APLF: variants seen among roughly 807,000 people sequenced by gnomAD.
APLF encodes the protein aprataxin and PNKP like factor, also known as aprataxin and PNK-like factor.
A neutral mutation model predicts 55.6 loss-of-function variants in APLF; 61 were observed. That is an observed-to-expected ratio of 1.10 (90% CI 0.89 to 1.36). APLF has a LOEUF of 1.36. APLF is among the 40% of genes most tolerant of loss of function. The pLI is 0.00. For synonymous variants in APLF, 207 were observed against 214.8 expected, an observed-to-expected ratio of 0.96 and a Z score of 0.32; for missense variants, 611 against 602.5, an observed-to-expected ratio of 1.01 and a Z score of -0.15.
At chr2:68,525,948 C>T in intron 5 of APLF, 113 bp from the exon 6 acceptor site, 2 of 1,019,696 alleles carry the variant, frequency 2.0e-6, no homozygotes. Flanking sequence ...CCGGGTTTCA[C>T]CATGTTGGCC....
chr2:68,490,282 T>A (rs752014354), intron 2 of APLF, 21 bp downstream of exon 2: 12 of 1,600,868 alleles, frequency 7.5e-6, no homozygotes, highest in Non-Finnish European at 1.0e-5. Flanking sequence ...TATTAATGAT[T>A]CATTTTAACT....
At chr2:68,488,875 TGAC>T (rs1676269456) in intron 1 of APLF, among the ~76,000 whole-genome samples, 1 of 152,106 alleles carries the variant, frequency 6.6e-6, no homozygotes, top group Admixed American at 6.6e-5. Context: ...TAATGCTAAA[TGAC>T]GAGTTATTGG....
At chr2:68,535,282 G>T in intron 6 of APLF, 1 of 429,002 alleles carries the variant, frequency 2.3e-6, no homozygotes, top group South Asian at 1.8e-5. Context: ...CAACATAATA[G>T]ATGCTTATTG....
At chr2:68,478,974 A>G (rs543881818) in intron 1 of APLF, among the ~76,000 whole-genome samples, 4 of 152,306 alleles carry the variant, frequency 2.6e-5, no homozygotes, top group Admixed American at 6.5e-5. Context: ...GGTTCTGTCA[A>G]TGCTTTGTCC....
intron 8 of APLF, among the ~76,000 whole-genome samples, chr2:68,552,598 TCTC>T (rs1455589417): frequency 1.3e-5 from 2 of 152,090 alleles, no homozygotes; most frequent in African/African-American, 2.4e-5. Context: ...AAAAGAGTAT[TCTC>T]CTACCATGAG....
In APLF at chr2:68,567,341, G is replaced by A. The variant is rs762277971; in HGVS notation, c.1287G>A (p.Arg429=). The change falls in exon 9 of 10, where the codon AGG becomes AGA. Residue 429 remains arginine (R), a splice_region_variant and synonymous_variant. Transcript: ENST00000303795. ...PECPYGPSCY[R]KNPQHKIEYR... The stretch of plus-strand genomic sequence containing the variant: ...TCTTATTTTTGCATTCTTCTTTCAG[G>A]AAGAATCCCCAGCACAAGATAGAAT... 2.5e-6 allele frequency: 4 copies of A among 1,605,082 alleles called. No homozygotes were observed. In the South Asian group the frequency reaches 4.5e-5, roughly 18 times the overall value.
At chr2:68,506,892 A>G (rs2103940975) in intron 3 of APLF, among the ~76,000 whole-genome samples, 1 of 152,146 alleles carries the variant, frequency 6.6e-6, no homozygotes, top group African/African-American at 2.4e-5. Context: ...AAAAAACCCA[A>G]AAAGGTTATA....
At chr2:68,556,362 T>A (rs150741435) in intron 8 of APLF, among the ~76,000 whole-genome samples, 161 of 152,174 alleles carry the variant, frequency 1.1e-3, no homozygotes, top group Non-Finnish European at 5.6e-4. Flanking sequence ...ATAAAAAAAA[T>A]TTAATAAAAA....
chr2:68,489,900 C>T (rs1332255273), intron 1 of APLF, among the ~76,000 whole-genome samples: 1 of 152,132 alleles, frequency 6.6e-6, no homozygotes, highest in Non-Finnish European at 1.5e-5. Context: ...TAAGAATCCC[C>T]AGTAGATGTC....
chr2:68,473,484 G>C (rs1011330305), intron 1 of APLF, among the ~76,000 whole-genome samples: 1 of 152,154 alleles, frequency 6.6e-6, no homozygotes, highest in Non-Finnish European at 1.5e-5. Context: ...ATTTTTGTGT[G>C]AACGTAGGTC....
intron 1 of APLF, among the ~76,000 whole-genome samples, chr2:68,473,098 TA>T (rs763138141): frequency 2.6e-5 from 4 of 152,222 alleles, no homozygotes; most frequent in Non-Finnish European, 4.4e-5. Context: ...GACAAATGTA[TA>T]ATGACATTTA....
At chr2:68,491,077 TTTTTAA>T (rs1407132851) in intron 2 of APLF, among the ~76,000 whole-genome samples, 1 of 152,230 alleles carries the variant, frequency 6.6e-6, no homozygotes, top group Non-Finnish European at 1.5e-5. Context: ...GGAAAGCATC[TTTTTAA>T]TTTTAGTACT....
In APLF at chr2:68,529,349, G is replaced by A. The variant is rs1670177150; in HGVS notation, c.804+3107G>A. 8.3e-6 allele frequency: 11 copies of A among 1,321,264 alleles called. No homozygotes were observed. The East Asian group carries it at 8.7e-5, about 10-fold the overall frequency. 81.8% of individuals were successfully genotyped at this position (1,321,264 alleles called of 1,614,324 possible). On this transcript the variant is annotated intron_variant, in intron 6 of 9. Transcript: ENST00000303795. This position sits in a 1 kb window ranked among gnomAD's most constrained non-coding sequence, Gnocchi z 4.4. ...TGGGGCAGGCACAGGTGCAGGAGCC[G>A]CGGGGTGAGCCCGGCCAGCTGGGAA...
intron 8 of APLF, among the ~76,000 whole-genome samples, chr2:68,555,517 T>G (rs1670980998): frequency 6.6e-6 from 1 of 151,960 alleles, no homozygotes; most frequent in Non-Finnish European, 1.5e-5. Context: ...ATAGACAATT[T>G]TCAAAAGAGG....
chr2:68,557,111 A>G (rs921945022), intron 8 of APLF, among the ~76,000 whole-genome samples: 4 of 152,192 alleles, frequency 2.6e-5, no homozygotes, highest in African/African-American at 9.6e-5. Flanking sequence ...GATTGGTTCC[A>G]GGACCCCAGG....
At chr2:68,478,216 A>G (rs1675838950) in intron 1 of APLF, among the ~76,000 whole-genome samples, 1 of 152,140 alleles carries the variant, frequency 6.6e-6, no homozygotes, top group South Asian at 2.1e-4. Context: ...TCCTTGATAT[A>G]TACAGTAGAT....
At position 68,502,822 on chromosome 2, in the gene APLF, A is replaced by G; in HGVS notation, c.260A>G (p.Asp87Gly). The change falls in exon 3 of 10, where the codon GAC (aspartate) becomes GGC (glycine). Residue 87 changes from aspartate to glycine, a missense_variant. Transcript: ENST00000303795. ...PNLWCYLNPG[D>G]SFSLLVDKYI... ...CTATGGTGCTATTTGAATCCTGGAGACAGCTTTTCTTTGTTAGTTGACAAA... is the reference window on the plus strand; with the variant it reads ...CTATGGTGCTATTTGAATCCTGGAGGCAGCTTTTCTTTGTTAGTTGACAAA... 1 of 1,608,260 alleles carries G rather than the reference A, an allele frequency of 6.2e-7. No homozygotes were observed. Among genetic ancestry groups the G allele is most frequent in the Non-Finnish European group, 8.5e-7 (1 of 1,178,044 alleles).
intron 9 of APLF, among the ~76,000 whole-genome samples, chr2:68,574,791 G>A (rs1210975201): frequency 6.6e-6 from 1 of 152,168 alleles, no homozygotes. Context: ...GCTTCATTTA[G>A]CAGAATTAAA....
intron 6 of APLF, among the ~76,000 whole-genome samples, chr2:68,532,790 C>T (rs1485707870): frequency 6.6e-6 from 1 of 151,886 alleles, no homozygotes; most frequent in Non-Finnish European, 1.5e-5. Flanking sequence ...GGATGGTTGC[C>T]ATGGTTTGAG....
Sources: allele counts gnomAD v4.1 joint callset (sites outside exome capture counted in the v4.1 genomes callset), GRCh38; gene constraint gnomAD v4.1.1; non-coding constraint Gnocchi (gnomAD v3.1); transcripts MANE v1.5; gene names NCBI Gene and HGNC (gene_info 2026-07-23, HGNC 2026-07-21).